Variants in NFX1 observed in about 807,000 individuals in gnomAD.
The protein encoded by NFX1 is nuclear transcription factor, X-box binding 1.
A neutral mutation model predicts 137.2 loss-of-function variants in NFX1; 69 were observed. The observed-to-expected ratio is 0.50, with a 90% CI of 0.41 to 0.61. The LOEUF (loss-of-function observed/expected upper bound fraction) is 0.61. Ranked by LOEUF, NFX1 falls within the 20% of genes least tolerant of loss-of-function variation. The pLI, the probability that NFX1 is intolerant of heterozygous loss-of-function variation, is 0.00. For synonymous variants in NFX1, 495 were observed against 474.1 expected, an observed-to-expected ratio of 1.04 and a Z score of -0.57; for missense variants, 1,167 against 1,391.0, an observed-to-expected ratio of 0.84 and a Z score of 2.56.
intron 16 of NFX1, 192 bp from the exon 17 acceptor site, chr9:33,352,454 G>T: frequency 1.5e-6 from 1 of 684,180 alleles, no homozygotes; most frequent in Admixed American, 2.0e-5. Flanking sequence ...ATTGTGGACG[G>T]GGCAATTCTT....
In NFX1 at chr9:33,318,978, G is replaced by T; in HGVS notation, c.1757G>T (p.Arg586Leu). The T allele has an allele frequency of 6.2e-7, 1 of 1,614,180 alleles. No homozygotes were observed. The highest frequency in any genetic ancestry group is 1.1e-5 in the South Asian group (1 of 91,074). The change falls in exon 9 of 24, where the codon CGG becomes CTG. Residue 586 changes from arginine (R) to leucine (L), a missense_variant. Physicochemically the swap from Arg to Leu is moderately radical, Grantham distance 102. Transcript: ENST00000379540. Reference protein sequence around the residue: ...CHPQPCQQCPRLPQLVRCCPC... With the variant: ...CHPQPCQQCPLLPQLVRCCPC... ...CCTCAGCCCTGCCAGCAATGCCCAC[G>T]GCTCCCCCAGCTGGTGCGCTGTTGC...
At position 33,295,239 on chromosome 9, in the gene NFX1, C is replaced by T. The variant is rs772553986; in HGVS notation, c.845C>T (p.Pro282Leu). ...AGHRNNMGPIPKDDLNERPAK... is the reference protein window; with the variant it reads ...AGHRNNMGPILKDDLNERPAK... Reference sequence around the variant, plus strand: ...CACAGAAACAACATGGGCCCCATTCCAAAGGATGACCTCAATGAAAGACCA... The same window carrying T: ...CACAGAAACAACATGGGCCCCATTCTAAAGGATGACCTCAATGAAAGACCA... Residue 282 changes from proline (P) to leucine (L), a missense_variant, in exon 2 of 24, where the codon CCA becomes CTA. Around this residue, in one of 3 missense-constraint regions of NFX1, gnomAD observed 367 missense variants for 386.7 expected, o/e 0.95. Coordinates refer to ENST00000379540, the MANE Select transcript of NFX1 (RefSeq NM_002504.6). 1.7e-5 allele frequency: 28 copies of T among 1,614,056 alleles called. No homozygotes were observed. The highest frequency in any genetic ancestry group is 2.3e-5 in the Non-Finnish European group (27 of 1,180,018).
chr9:33,336,584 T>C (rs1564130312), intron 11 of NFX1, among the ~76,000 whole-genome samples: 1 of 152,162 alleles, frequency 6.6e-6, no homozygotes, highest in Non-Finnish European at 1.5e-5. Flanking sequence ...GTGATGTCTC[T>C]GATATCTCAA....
chr9:33,369,214 T>C (rs150917219), intron 23 of NFX1, among the ~76,000 whole-genome samples: 14,677 of 152,034 alleles, frequency 0.097, 920 homozygotes, highest in East Asian at 0.21. Context: ...TACAGGCGCC[T>C]GCCACCACGC....
At chr9:33,317,767 G>A (rs545358790) in intron 7 of NFX1, among the ~76,000 whole-genome samples, 1 of 151,982 alleles carries the variant, frequency 6.6e-6, no homozygotes, top group East Asian at 1.9e-4. Context: ...CCTGAGCTCA[G>A]GAGTTCAAGA....
At chr9:33,309,104 T>C (rs1350024254) in intron 5 of NFX1, among the ~76,000 whole-genome samples, 2 of 152,140 alleles carry the variant, frequency 1.3e-5, no homozygotes, top group African/African-American at 2.4e-5. Flanking sequence ...ATGCCTGTAA[T>C]CCCAGCACTT....
chr9:33,347,750 T>C (rs1259925897), intron 15 of NFX1: 3 of 353,994 alleles, frequency 8.5e-6, no homozygotes, highest in Non-Finnish European at 1.7e-5. Flanking sequence ...GCAGCACAAT[T>C]CACAATTGCA....
chr9:33,335,540 A>T (rs1181235920), intron 11 of NFX1, among the ~76,000 whole-genome samples: 1 of 151,738 alleles, frequency 6.6e-6, no homozygotes, highest in African/African-American at 2.4e-5. Context: ...ACCTTTTTTT[A>T]AATTTTATTT....
intron 19 of NFX1, 70 bp downstream of exon 19, chr9:33,354,962 C>T (rs896279387): frequency 6.8e-7 from 1 of 1,462,518 alleles, no homozygotes; most frequent in East Asian, 2.3e-5. Flanking sequence ...GAGGGAGCAA[C>T]CCTTCAAACG....
At chr9:33,302,879 A>G (rs1017297289) in intron 3 of NFX1, among the ~76,000 whole-genome samples, 16 of 151,098 alleles carry the variant, frequency 1.1e-4, no homozygotes, top group Middle Eastern at 3.4e-3. Context: ...CATGTTAGCC[A>G]GGGTGGTCTC....
At chr9:33,334,206 A>G (rs532051465) in intron 11 of NFX1, among the ~76,000 whole-genome samples, 1 of 152,222 alleles carries the variant, frequency 6.6e-6, no homozygotes, top group Admixed American at 6.5e-5. Flanking sequence ...TGTAATCCTT[A>G]TGCTTTGGGA....
chr9:33,298,939 A>T (rs1821455710), intron 2 of NFX1, among the ~76,000 whole-genome samples: 1 of 152,216 alleles, frequency 6.6e-6, no homozygotes, highest in Non-Finnish European at 1.5e-5. Flanking sequence ...TAGATTTTGG[A>T]TGTATTTGGA....
At chr9:33,345,119 G>T (rs1823369331) in intron 14 of NFX1, among the ~76,000 whole-genome samples, 1 of 151,544 alleles carries the variant, frequency 6.6e-6, no homozygotes, top group Admixed American at 6.6e-5. Flanking sequence ...CCAAGATTGT[G>T]CCACTGCACT....
chr9:33,306,079 C>T (rs1221669670), intron 4 of NFX1, among the ~76,000 whole-genome samples: 1 of 151,974 alleles, frequency 6.6e-6, no homozygotes, highest in East Asian at 1.9e-4. Context: ...TGTATTGGAG[C>T]AAAAAAGCAC....
Position 33,370,178 on chromosome 9 carries a change from ATC to A in NFX1, c.*204_*205del. 2.0e-6 allele frequency: 1 copy of A among 496,774 alleles called. No homozygotes were observed. Among genetic ancestry groups the A allele is most frequent in the East Asian group, 3.4e-5 (1 of 29,606 alleles). 30.8% of individuals were successfully genotyped at this position (496,774 alleles called of 1,614,324 possible). A position where few individuals can be genotyped will look rare whatever the true frequency, so the allele number is the denominator to read the frequency against. On this transcript the variant is annotated 3_prime_UTR_variant, in exon 24 of 24. Coordinates refer to ENST00000379540, the MANE Select transcript of NFX1 (RefSeq NM_002504.6). ...GTATAAAGTGTTTCATTATGACCAG[ATC>A]TCTGATTGTATGGTCACTAGGTATG...
intron 5 of NFX1, among the ~76,000 whole-genome samples, chr9:33,308,972 C>T (rs547136535): frequency 6.6e-6 from 1 of 152,300 alleles, no homozygotes; most frequent in Non-Finnish European, 1.5e-5. Context: ...TCAGATACCT[C>T]ATTCCCTTTG....
At chr9:33,367,099 C>G (rs1230377176) in intron 22 of NFX1, among the ~76,000 whole-genome samples, 1 of 152,216 alleles carries the variant, frequency 6.6e-6, no homozygotes, top group East Asian at 1.9e-4. Context: ...TCTCCTGTTC[C>G]TCTGTCTGTC....
intron 19 of NFX1, among the ~76,000 whole-genome samples, chr9:33,357,726 T>A (rs1364681707): frequency 6.6e-6 from 1 of 151,756 alleles, no homozygotes; most frequent in Non-Finnish European, 1.5e-5. Context: ...TTTTTTCTTT[T>A]GTAAAGACAG....
intron 11 of NFX1, among the ~76,000 whole-genome samples, chr9:33,337,475 C>T (rs958507198): frequency 1.3e-5 from 2 of 152,208 alleles, no homozygotes; most frequent in Non-Finnish European, 2.9e-5. Flanking sequence ...GTACACCCAT[C>T]TACTAAGATG....
Sources: allele counts gnomAD v4.1 joint callset (sites outside exome capture counted in the v4.1 genomes callset), GRCh38; gene constraint gnomAD v4.1.1; regional missense constraint gnomAD v4.1.1; transcripts MANE v1.5; gene names NCBI Gene and HGNC (gene_info 2026-07-23, HGNC 2026-07-21).